The following KHDRBS2 variants were observed in gnomAD, a reference collection of about 807,000 sequenced individuals.
KHDRBS2 encodes KH domain-containing, RNA-binding, signal transduction-associated protein 2.
A neutral mutation model predicts 44.3 loss-of-function variants in KHDRBS2; 26 were observed. The ratio of observed to expected loss-of-function variants is 0.59; its 90% CI spans 0.43 to 0.81. The LOEUF (loss-of-function observed/expected upper bound fraction) is 0.81, where lower values mean the gene tolerates loss of function less well. KHDRBS2 is among the 40% of genes least tolerant of loss of function. The pLI, the probability that KHDRBS2 is intolerant of heterozygous loss-of-function variation, is 0.00. For missense variants in KHDRBS2, 476 were observed against 433.1 expected (o/e 1.10, Z -0.88); for synonymous variants, 194 against 151.1 (o/e 1.28, Z -2.08).
chr6:61,855,259 T>G (rs1311916539), intron 6 of KHDRBS2, among the ~76,000 whole-genome samples: 1 of 152,244 alleles, frequency 6.6e-6, no homozygotes, highest in East Asian at 1.9e-4. Context: ...TGTTAGGATA[T>G]GAAGATCATT....
At chr6:61,931,516 T>C (rs930791064) in intron 4 of KHDRBS2, among the ~76,000 whole-genome samples, 2 of 152,142 alleles carry the variant, frequency 1.3e-5, no homozygotes, top group Non-Finnish European at 2.9e-5. Flanking sequence ...TTATCACTTA[T>C]ATAAAAATAT....
the KHDRBS2 span, among the ~76,000 whole-genome samples, chr6:61,641,428 G>A: frequency 1.6e-3 from 241 of 152,070 alleles, 1 homozygote; most frequent in African/African-American, 5.1e-3. Flanking sequence ...TGAACTAATT[G>A]CAGGTCCCTG....
intron 1 of KHDRBS2, among the ~76,000 whole-genome samples, chr6:62,186,362 A>G (rs1823412186): frequency 6.6e-6 from 1 of 152,038 alleles, no homozygotes; most frequent in Non-Finnish European, 1.5e-5. Context: ...AGCTATTATC[A>G]TTTTATTTAC....
rs183993412 is a variant in KHDRBS2 at position 61,822,714 on chromosome 6, C to A, written c.810+71921G>T. ...CTACTCTAGGCTTTTGTGTTCAGTT[C>A]TCTGCACTATGTCAGCAATGTAGTC... On this transcript the variant is annotated intron_variant, in intron 6 of 8. Transcript: ENST00000281156. Among the ~76,000 whole-genome samples the A allele has an allele frequency of 1.0e-3, 156 of 152,086 alleles. 1 individual carries two copies. The highest frequency in any genetic ancestry group is 3.5e-3 in the African/African-American group (144 of 41,528).
intron 1 of KHDRBS2, among the ~76,000 whole-genome samples, chr6:62,244,449 G>T (rs1250215945): frequency 1.3e-5 from 2 of 152,058 alleles, no homozygotes; most frequent in Non-Finnish European, 2.9e-5. Context: ...ATAGAGAGAA[G>T]TGAGAGAAGA....
At chr6:61,990,524 T>C (rs1427980279) in intron 3 of KHDRBS2, among the ~76,000 whole-genome samples, 2 of 152,042 alleles carry the variant, frequency 1.3e-5, no homozygotes, top group Non-Finnish European at 2.9e-5. Context: ...CAAGAGCTCA[T>C]ACAAGCTTCT....
At chr6:61,832,711 A>C (rs1792020497) in intron 6 of KHDRBS2, among the ~76,000 whole-genome samples, 1 of 152,174 alleles carries the variant, frequency 6.6e-6, no homozygotes, top group South Asian at 2.1e-4. Flanking sequence ...AGAACAGTCC[A>C]AATGGAGAAA....
the KHDRBS2 span, among the ~76,000 whole-genome samples, chr6:61,570,647 A>T: frequency 6.6e-6 from 1 of 152,178 alleles, no homozygotes; most frequent in Non-Finnish European, 1.5e-5. Flanking sequence ...AGATGAAGGA[A>T]ATAATTTAAG....
intron 4 of KHDRBS2, among the ~76,000 whole-genome samples, chr6:61,938,900 G>A (rs1265147616): frequency 1.3e-5 from 2 of 152,096 alleles, no homozygotes; most frequent in Admixed American, 1.3e-4. Context: ...CTCCTCAAGG[G>A]CAGTACATTT....
chr6:61,808,980 A>T (rs1452254875), intron 6 of KHDRBS2, among the ~76,000 whole-genome samples: 1 of 152,092 alleles, frequency 6.6e-6, no homozygotes, highest in East Asian at 1.9e-4. Flanking sequence ...GTTAAACGCA[A>T]TATCTATTTC....
chr6:61,609,798 G>A, the KHDRBS2 span, among the ~76,000 whole-genome samples: 2 of 152,342 alleles, frequency 1.3e-5, no homozygotes, highest in South Asian at 4.1e-4. Flanking sequence ...AGCAGTGAGA[G>A]GGGAGTGAAT....
At chr6:61,747,323 C>T (rs185801244) in intron 6 of KHDRBS2, among the ~76,000 whole-genome samples, 10 of 152,208 alleles carry the variant, frequency 6.6e-5, no homozygotes, top group African/African-American at 2.4e-4. Context: ...ATGATTCCTG[C>T]CAAACTTCTT....
At chr6:61,955,061 T>C (rs9445696) in intron 4 of KHDRBS2, among the ~76,000 whole-genome samples, 26,241 of 142,438 alleles carry the variant, frequency 0.18, 2,869 homozygotes, top group East Asian at 0.3. Context: ...TATATGTATG[T>C]ATACACATAT....
At chr6:61,838,177 T>C (rs899678530) in intron 6 of KHDRBS2, among the ~76,000 whole-genome samples, 4 of 152,058 alleles carry the variant, frequency 2.6e-5, no homozygotes, top group Non-Finnish European at 5.9e-5. Context: ...TTCTCACATA[T>C]ATAGGTTACA....
chr6:61,859,430 AC>A (rs1796602573), intron 6 of KHDRBS2, among the ~76,000 whole-genome samples: 1 of 151,986 alleles, frequency 6.6e-6, no homozygotes, highest in Admixed American at 6.6e-5. Context: ...GATAAACACG[AC>A]AAAAATAATT....
chr6:62,106,457 G>A (rs1393144090), intron 2 of KHDRBS2, among the ~76,000 whole-genome samples: 2 of 152,070 alleles, frequency 1.3e-5, no homozygotes, highest in Non-Finnish European at 2.9e-5. Context: ...ATGAATCTGG[G>A]TGCTCCTGTA....
At chr6:62,069,354 C>T (rs752913210) in intron 2 of KHDRBS2, among the ~76,000 whole-genome samples, 3 of 151,684 alleles carry the variant, frequency 2.0e-5, no homozygotes, top group East Asian at 1.9e-4. Flanking sequence ...TTTATCCAAC[C>T]GTAAGTTTAT....
intron 6 of KHDRBS2, among the ~76,000 whole-genome samples, chr6:61,833,160 C>A (rs1792107759): frequency 6.6e-6 from 1 of 152,118 alleles, no homozygotes; most frequent in Non-Finnish European, 1.5e-5. Context: ...AATGGTCAGG[C>A]TCTTTACCTT....
At chr6:62,070,888 A>G (rs1016231079) in intron 2 of KHDRBS2, among the ~76,000 whole-genome samples, 17 of 152,086 alleles carry the variant, frequency 1.1e-4, no homozygotes, top group African/African-American at 4.1e-4. Context: ...TGGTATTTCT[A>G]GTTCTAGATC....
Sources: allele counts gnomAD v4.1 joint callset (sites outside exome capture counted in the v4.1 genomes callset), GRCh38; gene constraint gnomAD v4.1.1; transcripts MANE v1.5; gene names NCBI Gene and HGNC (gene_info 2026-07-23, HGNC 2026-07-21).